NAV3: variants seen among roughly 807,000 people sequenced by gnomAD.
The protein encoded by NAV3 is neuron navigator 3.
Under a neutral mutation model 244.7 loss-of-function variants are expected in NAV3, and 87 were observed. The observed-to-expected ratio is 0.36, with a 90% CI of 0.30 to 0.42. The LOEUF (loss-of-function observed/expected upper bound fraction) is 0.42. Among genes scored for constraint, NAV3 ranks in the 20% least tolerant of loss-of-function variants. NAV3 has a pLI of 1.00. For missense variants in NAV3, 2,663 were observed against 2,893.3 expected (o/e 0.92, Z 1.83); for synonymous variants, 1,126 against 1,042.2 (o/e 1.08, Z -1.55).
chr12:77,874,687 G>T (rs928559221), intron 1 of NAV3, among the ~76,000 whole-genome samples: 1 of 151,906 alleles, frequency 6.6e-6, no homozygotes, highest in East Asian at 1.9e-4. Context: ...GCTCAGAATG[G>T]GTTTATATAT....
chr12:77,826,263 G>A (rs921939396), upstream of NAV3, among the ~76,000 whole-genome samples: 14 of 152,112 alleles, frequency 9.2e-5, no homozygotes, highest in African/African-American at 2.9e-4. Flanking sequence ...ATCCCAGTAC[G>A]TTGGGAGGCC....
intron 5 of NAV3, among the ~76,000 whole-genome samples, chr12:77,985,825 T>C (rs1870407440): frequency 6.6e-6 from 1 of 152,224 alleles, no homozygotes; most frequent in Admixed American, 6.5e-5. Flanking sequence ...TATAAAATCC[T>C]GCCTGAATTT....
At chr12:78,172,700 C>T (rs573366354) in intron 24 of NAV3, among the ~76,000 whole-genome samples, 6 of 151,218 alleles carry the variant, frequency 4.0e-5, no homozygotes, top group Middle Eastern at 3.4e-3. Flanking sequence ...AGCTTTGAGG[C>T]GGAAAATAAA....
At chr12:77,945,786 C>T (rs1036643121) in intron 3 of NAV3, among the ~76,000 whole-genome samples, 1 of 151,768 alleles carries the variant, frequency 6.6e-6, no homozygotes, top group African/African-American at 2.4e-5. Flanking sequence ...CTCGCTGTGT[C>T]GCCCAAGCTG....
intron 2 of NAV3, among the ~76,000 whole-genome samples, chr12:77,769,042 G>A (rs906745445): frequency 4.6e-5 from 7 of 152,020 alleles, no homozygotes; most frequent in African/African-American, 1.7e-4. Flanking sequence ...TTTAATCCTT[G>A]TAAAAAATCA....
At position 77,994,783 on chromosome 12, in the gene NAV3, C is replaced by T. The variant is rs758276821; in HGVS notation, c.672-20C>T. 1.3e-6 allele frequency: 2 copies of T among 1,584,250 alleles called. No homozygotes were observed. Among genetic ancestry groups the T allele is most frequent in the South Asian group, 2.3e-5 (2 of 86,166 alleles). On this transcript the variant is annotated intron_variant, in intron 5 of 39. Transcript: ENST00000397909. Reference sequence around the variant, plus strand: ...TCAAAGAATCTCTTTAATTCAATTTCTCTGTTTCTCCTCATACAGTCTGGC... The same window carrying T: ...TCAAAGAATCTCTTTAATTCAATTTTTCTGTTTCTCCTCATACAGTCTGGC...
At chr12:78,182,037 T>C (rs1379387067) in intron 30 of NAV3, among the ~76,000 whole-genome samples, 6 of 151,978 alleles carry the variant, frequency 3.9e-5, no homozygotes, top group Admixed American at 6.6e-5. Flanking sequence ...AGAAAACAAC[T>C]TTTGTAAACT....
At chr12:77,905,965 C>A (rs779015094) in intron 1 of NAV3, among the ~76,000 whole-genome samples, 2 of 152,126 alleles carry the variant, frequency 1.3e-5, no homozygotes, top group Non-Finnish European at 2.9e-5. Context: ...AGTTAACTGT[C>A]ACTAGACCTT....
intron 2 of NAV3, among the ~76,000 whole-genome samples, chr12:77,654,229 G>A (rs1397321295): frequency 6.6e-6 from 1 of 152,236 alleles, no homozygotes; most frequent in Non-Finnish European, 1.5e-5. Flanking sequence ...ACGGCACCTG[G>A]AAAATCGGGT....
intron 1 of NAV3, among the ~76,000 whole-genome samples, chr12:77,839,121 AG>A (rs1406597830): frequency 6.6e-6 from 1 of 152,200 alleles, no homozygotes; most frequent in African/African-American, 2.4e-5. Context: ...GATATTTGGC[AG>A]CATGTCTATC....
At chr12:77,840,020 C>T (rs1233540057) in intron 1 of NAV3, among the ~76,000 whole-genome samples, 1 of 152,020 alleles carries the variant, frequency 6.6e-6, no homozygotes, top group Non-Finnish European at 1.5e-5. Context: ...TTGTAGTGAG[C>T]CGAGATCGCG....
At chr12:77,605,388 C>T (rs184180342) in intron 2 of NAV3, among the ~76,000 whole-genome samples, 13 of 152,022 alleles carry the variant, frequency 8.6e-5, no homozygotes, top group African/African-American at 3.1e-4. Flanking sequence ...GAAGGTTCAA[C>T]CAATTGGTTA....
chr12:77,706,870 C>CAAAAAA (rs34067727), intron 2 of NAV3, among the ~76,000 whole-genome samples: 1 of 68,036 alleles, frequency 1.5e-5, no homozygotes, highest in Non-Finnish European at 2.4e-5. Flanking sequence ...GACTCTGTTT[C>CAAAAAA]AAAAAAAAAA....
chr12:77,634,463 C>T lies in NAV3; in HGVS notation c.72+62197C>T, dbSNP rs1428700666. On this transcript the variant is annotated intron_variant, in intron 2 of 8. Transcript: ENST00000550042. ...AAATGGTGTCATATCATAAACATTA[C>T]TACAAGGGACCAACTGCAGGTTAAT... 7.9e-5 allele frequency among the ~76,000 whole-genome samples: 12 copies of T among 152,170 alleles called. 1 individual carries two copies. The highest frequency in any genetic ancestry group is 7.9e-4 in the Admixed American group (12 of 15,274).
At chr12:77,867,664 C>T (rs1880286543) in intron 1 of NAV3, among the ~76,000 whole-genome samples, 1 of 152,156 alleles carries the variant, frequency 6.6e-6, no homozygotes, top group African/African-American at 2.4e-5. Context: ...TTGTCATCCA[C>T]CAGCCTCGGC....
chr12:77,902,501 C>T (rs1332114705), intron 1 of NAV3, among the ~76,000 whole-genome samples: 1 of 152,146 alleles, frequency 6.6e-6, no homozygotes, highest in Admixed American at 6.5e-5. Context: ...GTCATTGGTT[C>T]TGTTTATATG....
chr12:78,025,612 A>G (rs1398456686), intron 9 of NAV3, among the ~76,000 whole-genome samples: 1 of 146,532 alleles, frequency 6.8e-6, no homozygotes, highest in Non-Finnish European at 1.5e-5. Context: ...AAAAAAAAAA[A>G]AAAAAAAAAA....
At chr12:77,978,600 T>C (rs1868938158) in intron 5 of NAV3, among the ~76,000 whole-genome samples, 1 of 152,086 alleles carries the variant, frequency 6.6e-6, no homozygotes, top group African/African-American at 2.4e-5. Context: ...CTTATTAAAG[T>C]CAATAGCTAT....
intron 2 of NAV3, among the ~76,000 whole-genome samples, chr12:77,743,595 A>G (rs1868388228): frequency 6.6e-6 from 1 of 151,918 alleles, no homozygotes; most frequent in Admixed American, 6.6e-5. Context: ...TTTGTGATGT[A>G]TTCATAAAAT....
Sources: allele counts gnomAD v4.1 joint callset (sites outside exome capture counted in the v4.1 genomes callset), GRCh38; gene constraint gnomAD v4.1.1; transcripts MANE v1.5; gene names NCBI Gene and HGNC (gene_info 2026-07-23, HGNC 2026-07-21).